LDLRAD4: variants seen among roughly 807,000 people sequenced by gnomAD.
LDLRAD4 encodes low density lipoprotein receptor class A domain containing 4, also known as low-density lipoprotein receptor class A domain-containing protein 4.
Under a neutral mutation model 17.0 loss-of-function variants are expected in LDLRAD4, and 5 were observed. The observed-to-expected ratio is 0.29, with a 90% confidence interval of 0.15 to 0.62. LDLRAD4 has a LOEUF of 0.62. LDLRAD4 is among the 20% of genes least tolerant of loss of function. The probability of loss-of-function intolerance (pLI) is 0.84; values close to 1 mark genes in which losing one functional copy is unlikely to be tolerated. For synonymous variants in LDLRAD4, 168 were observed against 171.8 expected, an observed-to-expected ratio of 0.98 and a Z score of 0.17; for missense variants, 340 against 424.7, an observed-to-expected ratio of 0.80 and a Z score of 1.75.
At chr18:13,531,079 A>G (rs965113794) in intron 3 of LDLRAD4, among the ~76,000 whole-genome samples, 1 of 152,054 alleles carries the variant, frequency 6.6e-6, no homozygotes, top group Non-Finnish European at 1.5e-5. Context: ...CCTGCACTCT[A>G]CAAAACTAGA....
At chr18:13,411,071 C>A (rs914492436) in intron 2 of LDLRAD4, among the ~76,000 whole-genome samples, 3 of 152,032 alleles carry the variant, frequency 2.0e-5, no homozygotes, top group Admixed American at 6.5e-5. Context: ...GGCAACATAG[C>A]AAAATCCCGT....
In LDLRAD4 at chr18:13,645,491, C is replaced by A; in HGVS notation, c.755C>A (p.Pro252His). The stretch of plus-strand genomic sequence containing the variant: ...AGTAACGGGAGGATGGAGGGGCCAC[C>A]CCCCACATACAGCGAGGTGATGGGC... The change falls in exon 6 of 6, where the codon CCC (proline) becomes CAC (histidine). Residue 252 changes from proline to histidine, a missense_variant. Coordinates refer to ENST00000359446, the Ensembl canonical transcript of LDLRAD4. This position sits in a 1 kb window ranked among gnomAD's most constrained non-coding sequence, Gnocchi z 5.7. 1 of 1,610,398 alleles carries A rather than the reference C, an allele frequency of 6.2e-7. No individual in the cohort carries two copies. Among genetic ancestry groups the A allele is most frequent in the Non-Finnish European group, 8.5e-7 (1 of 1,178,070 alleles).
intron 3 of LDLRAD4, among the ~76,000 whole-genome samples, chr18:13,445,351 G>A (rs775348689): frequency 6.6e-6 from 1 of 152,198 alleles, no homozygotes; most frequent in African/African-American, 2.4e-5. Context: ...GCACAAGTGT[G>A]TGGGTGTCAG....
chr18:13,294,312 A>G (rs1567976327), intron 1 of LDLRAD4, among the ~76,000 whole-genome samples: 1 of 152,244 alleles, frequency 6.6e-6, no homozygotes, highest in Admixed American at 6.5e-5. Flanking sequence ...GGCTGGGGGC[A>G]CGTCAGACAG....
intron 3 of LDLRAD4, among the ~76,000 whole-genome samples, chr18:13,551,958 A>T (rs1424000464): frequency 3.3e-5 from 5 of 152,116 alleles, no homozygotes; most frequent in Non-Finnish European, 7.4e-5. Context: ...ACATGGCAGG[A>T]TGGGGAGCAA....
intron 2 of LDLRAD4, among the ~76,000 whole-genome samples, chr18:13,413,112 G>C (rs919581884): frequency 6.6e-6 from 1 of 152,138 alleles, no homozygotes; most frequent in Admixed American, 6.6e-5. Context: ...CCAGTGCCAC[G>C]TCAAGCCCAG....
chr18:13,492,164 C>T (rs1344290647), intron 3 of LDLRAD4, among the ~76,000 whole-genome samples: 5 of 152,246 alleles, frequency 3.3e-5, no homozygotes, highest in East Asian at 3.9e-4. Flanking sequence ...AAACAGGCCA[C>T]GCTCTTGTCC....
At position 13,445,639 on chromosome 18, in the gene LDLRAD4, GTC is replaced by G. The variant is rs1160990453; in HGVS notation, c.181+7257_181+7258del. ...TGTGTGTGCGTGTGTGTGTGAGAGA[GTC>G]TGATGCATTTGTGCATGAGTGTGTT... On this transcript the variant is annotated intron_variant, in intron 3 of 5. Coordinates refer to ENST00000359446, the Ensembl canonical transcript of LDLRAD4. Among the ~76,000 whole-genome samples, 10 of 151,660 alleles carry G rather than the reference GTC, an allele frequency of 6.6e-5. No homozygotes were observed. The East Asian group carries it at 7.7e-4, about 12-fold the overall frequency.
chr18:13,260,198 C>G (rs2043737817), intron 1 of LDLRAD4, among the ~76,000 whole-genome samples: 2 of 152,192 alleles, frequency 1.3e-5, no homozygotes, highest in Non-Finnish European at 2.9e-5. Context: ...CCTTGACCTC[C>G]TTATGCCCAG....
intron 2 of LDLRAD4, among the ~76,000 whole-genome samples, chr18:13,430,846 G>T (rs183885248): frequency 2.0e-5 from 3 of 152,056 alleles, no homozygotes; most frequent in Admixed American, 6.6e-5. Flanking sequence ...CACCTTCTCC[G>T]CTGCCCTCCA....
exon 6 of LDLRAD4, chr18:13,651,242 A>G (rs2043233984): frequency 6.6e-6 from 1 of 152,268 alleles, no homozygotes; most frequent in African/African-American, 2.4e-5. Context: ...GTTCAGCTCC[A>G]GAGGCATCTG....
chr18:13,450,337 C>A (rs73956414), intron 3 of LDLRAD4, among the ~76,000 whole-genome samples: 1,981 of 115,490 alleles, frequency 0.017, 96 homozygotes, highest in East Asian at 0.025. Context: ...CCCCCCCCCC[C>A]AAAAAAACAC....
At chr18:13,318,992 G>A (rs537299149) in intron 1 of LDLRAD4, among the ~76,000 whole-genome samples, 4 of 152,306 alleles carry the variant, frequency 2.6e-5, no homozygotes, top group Admixed American at 2.0e-4. Flanking sequence ...AATGGATGGG[G>A]AGCTCAGCAC....
At chr18:13,510,406 TC>T (rs1396861182) in intron 3 of LDLRAD4, among the ~76,000 whole-genome samples, 1 of 152,154 alleles carries the variant, frequency 6.6e-6, no homozygotes, top group Non-Finnish European at 1.5e-5. Flanking sequence ...CAAAGTCTCT[TC>T]TAGCTCTAAA....
At chr18:13,393,711 A>C (rs949486887) in intron 2 of LDLRAD4, among the ~76,000 whole-genome samples, 1 of 152,154 alleles carries the variant, frequency 6.6e-6, no homozygotes, top group Non-Finnish European at 1.5e-5. Flanking sequence ...CCCTTGCCCC[A>C]AAACTTTCCA....
chr18:13,507,911 TAGTG>T (rs1162892107), intron 3 of LDLRAD4, among the ~76,000 whole-genome samples: 1 of 152,164 alleles, frequency 6.6e-6, no homozygotes, highest in Non-Finnish European at 1.5e-5. Flanking sequence ...TGATTAAACT[TAGTG>T]AGGAAGGCAG....
intron 3 of LDLRAD4, among the ~76,000 whole-genome samples, chr18:13,479,061 T>G (rs1444573758): frequency 1.3e-5 from 2 of 152,170 alleles, no homozygotes; most frequent in African/African-American, 4.8e-5. Context: ...AACAGCTGGC[T>G]CTCCACATGC....
intron 1 of LDLRAD4, among the ~76,000 whole-genome samples, chr18:13,221,633 A>G (rs1372857836): frequency 6.6e-6 from 1 of 152,184 alleles, no homozygotes; most frequent in Non-Finnish European, 1.5e-5. Context: ...TTATGCTGAA[A>G]ATATTGGGTT....
intron 2 of LDLRAD4, among the ~76,000 whole-genome samples, chr18:13,436,806 G>T (rs541595145): frequency 1.3e-5 from 2 of 152,358 alleles, no homozygotes; most frequent in African/African-American, 4.8e-5. Context: ...GGATGGCGCC[G>T]CTAGCGAGGC....
Sources: gnomAD v4.1 joint callset for allele counts (sites outside exome capture counted in the v4.1 genomes callset) on GRCh38, gnomAD v4.1.1 for gene constraint, Gnocchi (gnomAD v3.1) non-coding constraint, MANE v1.5 for transcripts, NCBI Gene and HGNC (gene_info 2026-07-23, HGNC 2026-07-21) for gene names.